Variants in NUP62 observed in about 807,000 individuals in gnomAD.
The protein encoded by NUP62 is nucleoporin 62, also known as nuclear pore glycoprotein p62.
For missense variants in NUP62, 647 were observed against 689.4 expected (o/e 0.94, Z 0.69); for synonymous variants, 305 against 303.4 (o/e 1.01, Z -0.05).
rs2075364515 is a variant in NUP62 at position 49,908,143 on chromosome 19, A to G, written c.*96T>C. On this transcript the variant is annotated 3_prime_UTR_variant, in exon 3 of 3. Coordinates refer to ENST00000352066, the MANE Select transcript of NUP62 (RefSeq NM_016553.5). ...AGTCATGTGAAAGAAAGAAACAAACAAACAAGTATCTTGCCACAACCCCAA... is the reference window on the plus strand; with the variant it reads ...AGTCATGTGAAAGAAAGAAACAAACGAACAAGTATCTTGCCACAACCCCAA... 3 of 1,536,206 alleles carry G rather than the reference A, an allele frequency of 2.0e-6. No homozygotes were observed. The African/African-American group carries it at 4.1e-5, about 21-fold the overall frequency.
At position 49,908,035 on chromosome 19, in the gene NUP62, C is replaced by T; in HGVS notation, c.*204G>A. On this transcript the variant is annotated 3_prime_UTR_variant, in exon 3 of 3. Transcript: ENST00000352066. ...AAATGAAAGCCACAGAAGCCACACC[C>T]ATGAGGCTGCTGCCTGGGCAGAAGG... The T allele has an allele frequency of 8.9e-7, 1 of 1,124,936 alleles. No individual in the cohort carries two copies. Among genetic ancestry groups the T allele is most frequent in the East Asian group, 2.6e-5 (1 of 38,424 alleles). 69.7% of individuals were successfully genotyped at this position (1,124,936 alleles called of 1,614,324 possible).
chr19:49,924,667 C>T (rs948055745), intron 2 of NUP62, among the ~76,000 whole-genome samples: 19 of 152,156 alleles, frequency 1.2e-4, no homozygotes, highest in Admixed American at 7.2e-4. Flanking sequence ...AATGTGCACA[C>T]GAGGGGACTC....
At chr19:49,912,934 T>A (rs528162549) in intron 2 of NUP62, 2 of 152,302 alleles carry the variant, frequency 1.3e-5, no homozygotes, top group East Asian at 3.9e-4. Context: ...CAGATCCACT[T>A]GACAAATGAG....
chr19:49,908,099 C>T lies in NUP62; in HGVS notation c.*140G>A. On this transcript the variant is annotated 3_prime_UTR_variant, in exon 3 of 3. Transcript: ENST00000352066. Reference sequence around the variant, plus strand: ...CCTAAATGGAAAAACGCAAAGCACACAGCGATCATGTCAAGGGCAGTCATG... The same window carrying T: ...CCTAAATGGAAAAACGCAAAGCACATAGCGATCATGTCAAGGGCAGTCATG... 1 of 1,486,200 alleles carries T rather than the reference C, an allele frequency of 6.7e-7. No individual in the cohort carries two copies. The highest frequency in any genetic ancestry group is 1.3e-5 in the South Asian group (1 of 77,202). The allele number at this position is 1,486,200 out of a possible 1,614,324, so 92.1% of individuals were successfully genotyped here. A position where few individuals can be genotyped will look rare whatever the true frequency, so the allele number is the denominator to read the frequency against.
At chr19:49,926,811 G>A (rs981572846) in intron 2 of NUP62, among the ~76,000 whole-genome samples, 3 of 151,644 alleles carry the variant, frequency 2.0e-5, no homozygotes, top group Non-Finnish European at 4.4e-5. Context: ...TGCTCGACAC[G>A]GATTAACTCA....
intron 2 of NUP62, among the ~76,000 whole-genome samples, chr19:49,924,436 C>T (rs1396369924): frequency 6.6e-6 from 1 of 152,138 alleles, no homozygotes; most frequent in Non-Finnish European, 1.5e-5. Flanking sequence ...TGCTGGGGTC[C>T]CCAGAGAATC....
intron 2 of NUP62, among the ~76,000 whole-genome samples, chr19:49,920,709 C>A (rs943384528): frequency 2.0e-5 from 3 of 152,214 alleles, no homozygotes; most frequent in Non-Finnish European, 4.4e-5. Context: ...TGGTTGAGAA[C>A]AGGCTGGGGA....
chr19:49,916,172 GC>G (rs200707820), intron 2 of NUP62, among the ~76,000 whole-genome samples: 140 of 152,282 alleles, frequency 9.2e-4, no homozygotes, highest in African/African-American at 3.1e-3. Flanking sequence ...GCTTTCCAGG[GC>G]CAAGTCTTGA....
At chr19:49,918,925 G>A (rs542656390) in intron 2 of NUP62, among the ~76,000 whole-genome samples, 37 of 150,598 alleles carry the variant, frequency 2.5e-4, no homozygotes, top group African/African-American at 8.6e-4. Context: ...GTGGGGGGGC[G>A]GATCACCTGA....
chr19:49,913,574 A>C (rs2075539025), intron 2 of NUP62, among the ~76,000 whole-genome samples: 1 of 152,244 alleles, frequency 6.6e-6, no homozygotes, highest in Non-Finnish European at 1.5e-5. Flanking sequence ...TGTTGCAGGG[A>C]GAACTGAGCA....
At chr19:49,916,632 T>C (rs1272904764) in intron 2 of NUP62, among the ~76,000 whole-genome samples, 1 of 151,246 alleles carries the variant, frequency 6.6e-6, no homozygotes, top group Non-Finnish European at 1.5e-5. Flanking sequence ...GGCGTGGTGG[T>C]GGGTGCCCGT....
At chr19:49,918,475 C>T (rs1346178079) in intron 2 of NUP62, 1 of 152,250 alleles carries the variant, frequency 6.6e-6, no homozygotes, top group Non-Finnish European at 1.5e-5. Flanking sequence ...CAGGTATCCC[C>T]AATAGTAGGG....
At chr19:49,920,533 C>T (rs183131606) in intron 2 of NUP62, among the ~76,000 whole-genome samples, 24 of 152,316 alleles carry the variant, frequency 1.6e-4, no homozygotes, top group African/African-American at 4.6e-4. Context: ...ACCAACCAAC[C>T]GACCAACCAA....
chr19:49,926,702 T>C (rs150360017), intron 2 of NUP62, among the ~76,000 whole-genome samples: 49 of 152,304 alleles, frequency 3.2e-4, no homozygotes, highest in Non-Finnish European at 5.6e-4. Context: ...TGTTCAAAAA[T>C]CTATACAGCA....
intron 2 of NUP62, among the ~76,000 whole-genome samples, chr19:49,920,498 T>C (rs533753737): frequency 2.6e-5 from 4 of 152,310 alleles, no homozygotes; most frequent in East Asian, 1.9e-4. Context: ...ATATGGATTA[T>C]ACAGTATCTC....
chr19:49,918,280 G>A (rs1336887929), intron 2 of NUP62, among the ~76,000 whole-genome samples: 6 of 152,064 alleles, frequency 3.9e-5, no homozygotes, highest in Non-Finnish European at 8.8e-5. Context: ...GCCCAGGCTG[G>A]TCTCCAACTC....
At chr19:49,922,944 T>G (rs1048352141) in intron 2 of NUP62, among the ~76,000 whole-genome samples, 3 of 152,168 alleles carry the variant, frequency 2.0e-5, no homozygotes, top group Non-Finnish European at 2.9e-5. Flanking sequence ...GTTCTATGAT[T>G]GTGCCCATTT....
intron 2 of NUP62, among the ~76,000 whole-genome samples, chr19:49,922,218 T>A (rs1354937806): frequency 6.6e-6 from 1 of 152,208 alleles, no homozygotes; most frequent in Non-Finnish European, 1.5e-5. Context: ...ACTCCTCAAG[T>A]TAGCCCAAAC....
chr19:49,914,222 G>A (rs1436307633), intron 2 of NUP62, among the ~76,000 whole-genome samples: 1 of 152,186 alleles, frequency 6.6e-6, no homozygotes, highest in Non-Finnish European at 1.5e-5. Context: ...ACTATTACGA[G>A]CTCTGATCCC....
Sources: allele counts gnomAD v4.1 joint callset (sites outside exome capture counted in the v4.1 genomes callset), GRCh38; gene constraint gnomAD v4.1.1; transcripts MANE v1.5; gene names NCBI Gene and HGNC (gene_info 2026-07-23, HGNC 2026-07-21).